Variants in RNF152 observed in about 807,000 individuals in gnomAD.
RNF152 encodes the protein ring finger protein 152.
Under a neutral mutation model 12.7 loss-of-function variants are expected in RNF152, and 11 were observed. That is an observed-to-expected ratio of 0.86 (90% CI 0.54 to 1.43). The LOEUF is 1.43. Among genes scored for constraint, RNF152 ranks in the 40% most tolerant of loss-of-function variants. The pLI is 0.00. For missense variants in RNF152, 255 were observed against 274.8 expected (o/e 0.93, Z 0.51); for synonymous variants, 113 against 120.3 (o/e 0.94, Z 0.40).
chr18:61,867,336 C>G (rs755887043), intron 1 of RNF152, among the ~76,000 whole-genome samples: 2 of 151,956 alleles, frequency 1.3e-5, no homozygotes, highest in Non-Finnish European at 1.5e-5. Flanking sequence ...CCTGTAGTCT[C>G]AGCTACTCGG....
chr18:61,844,149 A>AG (rs1272227070), intron 1 of RNF152, among the ~76,000 whole-genome samples: 1 of 143,778 alleles, frequency 7.0e-6, no homozygotes, highest in African/African-American at 2.5e-5. Context: ...AAATTAAGAG[A>AG]AAAGGAAGGA....
intron 1 of RNF152, among the ~76,000 whole-genome samples, chr18:61,872,906 T>C (rs1405427623): frequency 1.3e-5 from 2 of 152,208 alleles, no homozygotes; most frequent in Non-Finnish European, 2.9e-5. Context: ...AGTGAGCAAA[T>C]AATTACTCTA....
intron 1 of RNF152, among the ~76,000 whole-genome samples, chr18:61,862,755 G>A (rs367558080): frequency 3.3e-5 from 5 of 152,130 alleles, no homozygotes; most frequent in Non-Finnish European, 4.4e-5. Context: ...TCTGTGAGCC[G>A]CTCCAGCAAA....
chr18:61,867,172 G>C (rs1599311373), intron 1 of RNF152, among the ~76,000 whole-genome samples: 1 of 152,276 alleles, frequency 6.6e-6, no homozygotes, highest in Non-Finnish European at 1.5e-5. Context: ...CAAAGAGATT[G>C]GGGACCGGGT....
intron 1 of RNF152, among the ~76,000 whole-genome samples, chr18:61,865,421 G>C (rs1328524506): frequency 2.6e-5 from 4 of 152,152 alleles, no homozygotes; most frequent in Non-Finnish European, 5.9e-5. Context: ...AAAGGAGATT[G>C]CTTCCAGGAT....
chr18:61,890,847 C>G (rs1912924827), intron 1 of RNF152, among the ~76,000 whole-genome samples: 1 of 152,170 alleles, frequency 6.6e-6, no homozygotes, highest in Admixed American at 6.5e-5. Context: ...TGGAATTCAG[C>G]TAAAAAGACT....
intron 1 of RNF152, among the ~76,000 whole-genome samples, chr18:61,867,227 G>T (rs1911774701): frequency 6.6e-6 from 1 of 152,158 alleles, no homozygotes; most frequent in Non-Finnish European, 1.5e-5. Flanking sequence ...GAGGCAGGTG[G>T]ATCAATTGAG....
intron 1 of RNF152, among the ~76,000 whole-genome samples, chr18:61,834,186 C>T (rs1910078731): frequency 6.6e-6 from 1 of 152,232 alleles, no homozygotes; most frequent in South Asian, 2.1e-4. Flanking sequence ...ATGCCTTTCT[C>T]ATCTCTAAGC....
chr18:61,878,471 C>A (rs139497201), intron 1 of RNF152, among the ~76,000 whole-genome samples: 1 of 152,240 alleles, frequency 6.6e-6, no homozygotes, highest in East Asian at 1.9e-4. Flanking sequence ...AACAAACTCA[C>A]GTGTTAATCA....
At chr18:61,852,713 G>A (rs575218901) in intron 1 of RNF152, among the ~76,000 whole-genome samples, 1 of 152,112 alleles carries the variant, frequency 6.6e-6, no homozygotes, top group African/African-American at 2.4e-5. Context: ...AATTGTCTTG[G>A]GGGTGCTGCC....
chr18:61,889,061 C>T (rs1912826848), intron 1 of RNF152, among the ~76,000 whole-genome samples: 1 of 152,178 alleles, frequency 6.6e-6, no homozygotes, highest in Non-Finnish European at 1.5e-5. Context: ...CAACCCCAGG[C>T]ACCCTGAATG....
rs1214988672 is a variant in RNF152, at chr18:61,816,603, G to A, written c.-135-5C>T. The A allele has an allele frequency of 1.2e-6, 1 of 820,530 alleles. No homozygotes were observed. Among genetic ancestry groups the A allele is most frequent in the Non-Finnish European group, 1.9e-6 (1 of 514,386 alleles). 50.8% of individuals were successfully genotyped at this position (820,530 alleles called of 1,614,324 possible). A position where few individuals can be genotyped will look rare whatever the true frequency, so the allele number is the denominator to read the frequency against. ...TACTCACAGGTGTGTTCATTTCTGA[G>A]AGAGACAAATAATGCAAACAATCTT... On this transcript the variant is annotated splice_region_variant and splice_polypyrimidine_tract_variant and intron_variant, in intron 1 of 1. Transcript: ENST00000312828.
intron 1 of RNF152, among the ~76,000 whole-genome samples, chr18:61,864,416 T>A (rs964841675): frequency 1.3e-5 from 2 of 152,160 alleles, no homozygotes; most frequent in African/African-American, 4.8e-5. Flanking sequence ...ATCAGCCAAA[T>A]GGAAGAAATA....
intron 1 of RNF152, among the ~76,000 whole-genome samples, chr18:61,837,285 T>C (rs916069209): frequency 6.6e-6 from 1 of 152,174 alleles, no homozygotes; most frequent in Non-Finnish European, 1.5e-5. Flanking sequence ...ATTTAATTCA[T>C]GAACCACAAT....
chr18:61,886,352 C>T (rs1011916554), intron 1 of RNF152, among the ~76,000 whole-genome samples: 1 of 152,160 alleles, frequency 6.6e-6, no homozygotes, highest in African/African-American at 2.4e-5. Context: ...AACACGGTGG[C>T]AAACACACAA....
At chr18:61,894,058 C>A (rs1166030770), upstream of RNF152, 1 of 152,216 alleles carries the variant, frequency 6.6e-6, no homozygotes, top group African/African-American at 2.4e-5. The surrounding 1 kb of genome is among the most constrained non-coding windows in gnomAD (Gnocchi z 4.9). Context: ...TTCGGCGCGG[C>A]CGCCGTAGGG....
At chr18:61,846,084 A>G (rs1171301253) in intron 1 of RNF152, among the ~76,000 whole-genome samples, 1 of 152,104 alleles carries the variant, frequency 6.6e-6, no homozygotes, top group Non-Finnish European at 1.5e-5. Flanking sequence ...ATCTGCCTTG[A>G]TCTTGGACTT....
rs1912845784 is a variant in RNF152 at position 61,809,353 on chromosome 18, T to G, written c.*6499A>C. 6.6e-6 allele frequency: 1 copy of G among 152,180 alleles called. No homozygotes were observed. The highest frequency in any genetic ancestry group is 2.4e-5 in the African/African-American group (1 of 41,424). 9.4% of individuals were successfully genotyped at this position (152,180 alleles called of 1,614,324 possible). A position where few individuals can be genotyped will look rare whatever the true frequency, so the allele number is the denominator to read the frequency against. On this transcript the variant is annotated 3_prime_UTR_variant, in exon 2 of 2. Transcript: ENST00000312828. The stretch of plus-strand genomic sequence containing the variant: ...GTTCTCCCACTATTTAACAGAGGTA[T>G]CAACTAGATCCCCTTTAAGAGGCAT...
chr18:61,860,160 C>T (rs1404621664), intron 1 of RNF152, among the ~76,000 whole-genome samples: 1 of 152,124 alleles, frequency 6.6e-6, no homozygotes, highest in African/African-American at 2.4e-5. Flanking sequence ...GGGTTCTCCC[C>T]ATGGGTCTCA....
Sources: allele counts gnomAD v4.1 joint callset (sites outside exome capture counted in the v4.1 genomes callset), GRCh38; gene constraint gnomAD v4.1.1; non-coding constraint Gnocchi (gnomAD v3.1); transcripts MANE v1.5; gene names NCBI Gene and HGNC (gene_info 2026-07-23, HGNC 2026-07-21).